ZAP70: variants seen among roughly 807,000 people sequenced by gnomAD.
The protein encoded by ZAP70 is tyrosine-protein kinase ZAP-70.
ZAP70 carries 27 observed loss-of-function variants against 65.8 expected under a neutral mutation model. The ratio of observed to expected loss-of-function variants is 0.41; its 90% CI spans 0.30 to 0.57. ZAP70 has a LOEUF of 0.57. Among genes scored for constraint, ZAP70 ranks in the 20% least tolerant of loss-of-function variants. The probability of loss-of-function intolerance (pLI) is 0.28; values close to 1 mark genes in which losing one functional copy is unlikely to be tolerated. For missense variants in ZAP70, 696 were observed against 870.5 expected (o/e 0.80, Z 2.52); for synonymous variants, 363 against 360.8 (o/e 1.01, Z -0.07).
Position 97,736,163 on chromosome 2 carries a change from G to A in ZAP70, c.1289+707G>A, listed in dbSNP as rs558124766. Among the ~76,000 whole-genome samples the A allele has an allele frequency of 1.9e-4, 29 of 152,090 alleles. No homozygotes were observed. The East Asian group carries it at 5.4e-3, about 28-fold the overall frequency. ...CTGCCCTTTGTTTACGTGCTGCGTG[G>A]TTTTCTATTTTTAATTTTTTTTTTT... is the stretch of plus-strand genomic sequence containing the variant. On this transcript the variant is annotated intron_variant, in intron 10 of 13. Coordinates refer to ENST00000264972, the MANE Select transcript of ZAP70 (RefSeq NM_001079.4). The surrounding 1 kb of genome is among the most constrained non-coding windows in gnomAD (Gnocchi z 4.0).
In ZAP70 at chr2:97,737,615, A is replaced by G. The variant is rs201117726; in HGVS notation, c.1432A>G (p.Ser478Gly). 1.8e-5 allele frequency: 29 copies of G among 1,613,992 alleles called. No homozygotes were observed. Among genetic ancestry groups the G allele is most frequent in the Non-Finnish European group, 3.4e-6 (4 of 1,179,988 alleles). Reference sequence around the variant, plus strand: ...GGTTAACCGGCACTACGCCAAGATCAGCGACTTTGGCCTCTCCAAAGCACT... The same window carrying G: ...GGTTAACCGGCACTACGCCAAGATCGGCGACTTTGGCCTCTCCAAAGCACT... ...LLVNRHYAKI[S>G]DFGLSKALGA... The change falls in exon 11 of 14, where the codon AGC becomes GGC. Residue 478 changes from serine to glycine, a missense_variant. Coordinates refer to ENST00000264972, the MANE Select transcript of ZAP70 (RefSeq NM_001079.4). The surrounding 1 kb of genome is among the most constrained non-coding windows in gnomAD (Gnocchi z 5.0).
chr2:97,724,255 C>A lies in ZAP70; in HGVS notation c.219C>A (p.Gly73=), dbSNP rs772581697. The change falls in exon 3 of 14, where the codon GGC becomes GGA. Residue 73 remains glycine (G), a synonymous_variant. Coordinates refer to ENST00000264972, the MANE Select transcript of ZAP70 (RefSeq NM_001079.4). ...RQLNGTYAIA[G]GKAHCGPAEL... ...TCAACGGCACCTACGCCATTGCCGG[C>A]GGCAAAGCGCACTGTGGACCGGCAG... 2 of 1,604,668 alleles carry A rather than the reference C, an allele frequency of 1.2e-6. No homozygotes were observed. The highest frequency in any genetic ancestry group is 8.5e-7 in the Non-Finnish European group (1 of 1,177,870).
intron 2 of ZAP70, among the ~76,000 whole-genome samples, chr2:97,722,334 G>C (rs1677196520): frequency 3.9e-5 from 6 of 152,316 alleles, no homozygotes. Context: ...CACCCGCCTT[G>C]GCCTCCCAAA....
In ZAP70 at chr2:97,732,896, AAGG is replaced by A; in HGVS notation, c.580_582del (p.Glu194del). The A allele has an allele frequency of 6.2e-7, 1 of 1,613,918 alleles. No homozygotes were observed. Among genetic ancestry groups the A allele is most frequent in the East Asian group, 2.2e-5 (1 of 44,872 alleles). On this transcript the variant is annotated inframe_deletion, in exon 5 of 14. Coordinates refer to ENST00000264972, the MANE Select transcript of ZAP70 (RefSeq NM_001079.4). The stretch of plus-strand genomic sequence containing the variant: ...TTCCCCTGCCAGGCTGAGGCCGCGG[AAGG>A]AGCAGGGCACATACGCCCTGTCCCT...
At position 97,724,219 on chromosome 2, in the gene ZAP70, C is replaced by T; in HGVS notation, c.183C>T (p.Ile61=). ...VHDVRFHHFP[I]ERQLNGTYAI... ...ATGTGCGCTTCCACCACTTTCCCAT[C>T]GAGCGCCAGCTCAACGGCACCTACG... The change falls in exon 3 of 14, where the codon ATC becomes ATT. Residue 61 remains isoleucine, a synonymous_variant. Transcript: ENST00000264972. 2 of 1,600,768 alleles carry T rather than the reference C, an allele frequency of 1.2e-6. No homozygotes were observed. The highest frequency in any genetic ancestry group is 1.7e-6 in the Non-Finnish European group (2 of 1,175,216).
At chr2:97,742,016 C>T (rs1027164263), downstream of ZAP70, among the ~76,000 whole-genome samples, 18 of 152,044 alleles carry the variant, frequency 1.2e-4, no homozygotes, top group Non-Finnish European at 1.6e-4. Context: ...GGTTGGGGAC[C>T]GTAAAGAAAG....
At chr2:97,750,186 CAT>C in the ZAP70 span, among the ~76,000 whole-genome samples, 3 of 152,234 alleles carry the variant, frequency 2.0e-5, no homozygotes, top group Admixed American at 1.3e-4. Flanking sequence ...CCACTGCACT[CAT>C]GTGTACACCC....
intron 4 of ZAP70, among the ~76,000 whole-genome samples, chr2:97,727,262 T>C (rs1185893415): frequency 6.6e-6 from 1 of 152,192 alleles, no homozygotes; most frequent in African/African-American, 2.4e-5. Flanking sequence ...AGGGAGCCAT[T>C]TTTGCAAACG....
rs992083423 is a variant in ZAP70 at position 97,715,534 on chromosome 2, G to A, written c.-22+1540G>A. ...GGGCCTCACTGGAGGGGCGGTGGAA[G>A]GGCATTGTTCAATCAACAGACACTT... On this transcript the variant is annotated intron_variant, in intron 2 of 13. Transcript: ENST00000264972. This position sits in a 1 kb window ranked among gnomAD's most constrained non-coding sequence, Gnocchi z 4.1. Among the ~76,000 whole-genome samples, 4 of 152,230 alleles carry A rather than the reference G, an allele frequency of 2.6e-5. No individual in the cohort carries two copies. The highest frequency in any genetic ancestry group is 7.2e-5 in the African/African-American group (3 of 41,462).
chr2:97,722,043 A>G (rs1380361054), intron 2 of ZAP70, among the ~76,000 whole-genome samples: 2 of 151,446 alleles, frequency 1.3e-5, no homozygotes, highest in Non-Finnish European at 2.9e-5. Flanking sequence ...TTGGCCTCCC[A>G]AAGTGCTGGG....
At chr2:97,733,780 C>A in intron 8 of ZAP70, 185 bp downstream of exon 8, 1 of 711,206 alleles carries the variant, frequency 1.4e-6, no homozygotes, top group Non-Finnish European at 2.4e-6. Flanking sequence ...CATGTACGTC[C>A]CAGTGTGTAC....
At chr2:97,741,776 C>G (rs1678137083), downstream of ZAP70, among the ~76,000 whole-genome samples, 5 of 152,242 alleles carry the variant, frequency 3.3e-5, no homozygotes, top group South Asian at 1.0e-3. Flanking sequence ...CAAGACCATA[C>G]AGAGCACACC....
intron 4 of ZAP70, among the ~76,000 whole-genome samples, chr2:97,730,645 G>A (rs1262900558): frequency 1.3e-5 from 2 of 152,192 alleles, no homozygotes; most frequent in Non-Finnish European, 2.9e-5. Context: ...AGACAGAGGA[G>A]GAGGCCCCAC....
At position 97,736,258 on chromosome 2, in the gene ZAP70, C is replaced by T. The variant is rs768645882; in HGVS notation, c.1289+802C>T. Reference sequence around the variant, plus strand: ...TGTAAAGGCTAAAATCCTTACTATCCGGCCCTTTACTGAAAAGTTTTGCAG... The same window carrying T: ...TGTAAAGGCTAAAATCCTTACTATCTGGCCCTTTACTGAAAAGTTTTGCAG... On this transcript the variant is annotated intron_variant, in intron 10 of 13. Coordinates refer to ENST00000264972, the MANE Select transcript of ZAP70 (RefSeq NM_001079.4). This position sits in a 1 kb window ranked among gnomAD's most constrained non-coding sequence, Gnocchi z 4.0. 2.0e-5 allele frequency among the ~76,000 whole-genome samples: 3 copies of T among 152,032 alleles called. No individual in the cohort carries two copies. Among genetic ancestry groups the T allele is most frequent in the Non-Finnish European group, 2.9e-5 (2 of 68,016 alleles).
rs569167722 is a variant in ZAP70, at chr2:97,720,331, G to A, written c.-21-3685G>A. 7.9e-5 allele frequency among the ~76,000 whole-genome samples: 12 copies of A among 152,198 alleles called. No homozygotes were observed. In the East Asian group the frequency reaches 1.4e-3, roughly 17 times the overall value. On this transcript the variant is annotated intron_variant, in intron 2 of 13. Coordinates refer to ENST00000264972, the MANE Select transcript of ZAP70 (RefSeq NM_001079.4). ...CAACTTCCACCTCCTGGGTTCAAGC[G>A]ATTCTCCTGCCTCAGCCTCCTGAGG...
At chr2:97,717,194 A>G (rs979966551) in intron 2 of ZAP70, among the ~76,000 whole-genome samples, 1 of 143,866 alleles carries the variant, frequency 7.0e-6, no homozygotes. Context: ...TTAGGGTCTC[A>G]GGTGAGGACT....
At chr2:97,724,988 G>A in intron 3 of ZAP70, 104 bp from the exon 4 acceptor site, 1 of 1,566,558 alleles carries the variant, frequency 6.4e-7, no homozygotes, top group Non-Finnish European at 8.6e-7. Context: ...CGCTAGGGAC[G>A]CCTGGGTGGG....
chr2:97,740,215 C>G (rs1465694225), downstream of ZAP70, among the ~76,000 whole-genome samples: 1 of 152,170 alleles, frequency 6.6e-6, no homozygotes, highest in Admixed American at 6.5e-5. Context: ...TCTTCACCCC[C>G]CCAGGGGTGC....
the ZAP70 span, among the ~76,000 whole-genome samples, chr2:97,748,925 CTCT>C: frequency 5.3e-5 from 8 of 151,806 alleles, no homozygotes; most frequent in Admixed American, 1.3e-4. Flanking sequence ...ATCTCATGTG[CTCT>C]TCTTAGGTCC....
Sources: allele counts gnomAD v4.1 joint callset (sites outside exome capture counted in the v4.1 genomes callset), GRCh38; gene constraint gnomAD v4.1.1; non-coding constraint Gnocchi (gnomAD v3.1); transcripts MANE v1.5; gene names NCBI Gene and HGNC (gene_info 2026-07-23, HGNC 2026-07-21).